The following PLD5 variants were observed in gnomAD, a reference collection of about 807,000 sequenced individuals.
PLD5 encodes the protein inactive phospholipase D5.
PLD5 carries 36 observed loss-of-function variants against 61.1 expected under a neutral mutation model. The ratio of observed to expected loss-of-function variants is 0.59; its 90% CI spans 0.45 to 0.78. The LOEUF (loss-of-function observed/expected upper bound fraction) is 0.78, where lower values mean the gene tolerates loss of function less well. PLD5 is among the 30% of genes least tolerant of loss of function. PLD5 has a pLI of 0.00. For synonymous variants in PLD5, 243 were observed against 242.8 expected (o/e 1.00, Z -0.01); for missense variants, 515 against 644.4 (o/e 0.80, Z 2.17).
chr1:242,439,394 C>T (rs1666165403), intron 1 of PLD5, among the ~76,000 whole-genome samples: 1 of 152,064 alleles, frequency 6.6e-6, no homozygotes, highest in African/African-American at 2.4e-5. Flanking sequence ...CATGGAGGCA[C>T]GTTCATAGGA....
intron 6 of PLD5, among the ~76,000 whole-genome samples, chr1:242,116,578 G>A (rs945112896): frequency 1.3e-5 from 2 of 151,996 alleles, no homozygotes; most frequent in African/African-American, 4.8e-5. Context: ...CCCCACATGC[G>A]CTAGTGGTCC....
intron 2 of PLD5, among the ~76,000 whole-genome samples, chr1:242,289,447 C>G (rs1675227525): frequency 6.6e-6 from 1 of 152,180 alleles, no homozygotes; most frequent in Non-Finnish European, 1.5e-5. Context: ...CTCCCAGGTT[C>G]AAGCAGTTCT....
intron 5 of PLD5, among the ~76,000 whole-genome samples, chr1:242,170,770 T>C (rs1558301778): frequency 6.6e-6 from 1 of 152,056 alleles, no homozygotes; most frequent in Non-Finnish European, 1.5e-5. Flanking sequence ...ACATGAGTAT[T>C]AGTAGCCAAA....
intron 8 of PLD5, among the ~76,000 whole-genome samples, chr1:242,103,571 CTT>C (rs1234103882): frequency 6.6e-6 from 1 of 152,172 alleles, no homozygotes; most frequent in Non-Finnish European, 1.5e-5. Context: ...CAAGAGTTCT[CTT>C]GTCTGTGAAA....
At chr1:242,092,572 C>T (rs1438809131) in intron 9 of PLD5, among the ~76,000 whole-genome samples, 1 of 152,150 alleles carries the variant, frequency 6.6e-6, no homozygotes, top group Non-Finnish European at 1.5e-5. Context: ...GAGCTGATTC[C>T]ACAAAGGGAA....
Position 242,310,225 on chromosome 1 carries a change from C to T in PLD5, c.327-21695G>A, listed in dbSNP as rs565920648. 5.0e-3 allele frequency among the ~76,000 whole-genome samples: 759 copies of T among 152,240 alleles called. 7 individuals are homozygous for T. The highest frequency in any genetic ancestry group is 0.017 in the African/African-American group (688 of 41,544). On this transcript the variant is annotated intron_variant, in intron 2 of 9. Coordinates refer to ENST00000536534, the MANE Select transcript of PLD5 (RefSeq NM_001372062.1). ...TGGTCTCATGTTCCCTAAACACACA[C>T]GCTGAGAGCAGACAGTCTATCATCT...
At chr1:242,282,512 G>A (rs183357713) in intron 3 of PLD5, among the ~76,000 whole-genome samples, 141 of 152,188 alleles carry the variant, frequency 9.3e-4, no homozygotes, top group African/African-American at 2.9e-3. Flanking sequence ...ATAATTTCTC[G>A]AAATCAAACA....
intron 5 of PLD5, among the ~76,000 whole-genome samples, chr1:242,176,399 C>A (rs556177223): frequency 6.6e-6 from 1 of 152,262 alleles, no homozygotes; most frequent in South Asian, 2.1e-4. Context: ...AAAACTGACG[C>A]TGTACCCCTT....
At chr1:242,325,334 A>G (rs896269231) in intron 2 of PLD5, among the ~76,000 whole-genome samples, 18 of 141,628 alleles carry the variant, frequency 1.3e-4, no homozygotes, top group African/African-American at 2.0e-4. Flanking sequence ...CTCCATAGGT[A>G]AGGGTGTTAA....
intron 2 of PLD5, among the ~76,000 whole-genome samples, chr1:242,337,067 T>C (rs1659556832): frequency 6.6e-6 from 1 of 151,886 alleles, no homozygotes; most frequent in African/African-American, 2.4e-5. Context: ...TCAGGTCTCC[T>C]GGATGTAGAG....
intron 2 of PLD5, among the ~76,000 whole-genome samples, chr1:242,326,699 T>G (rs1658809431): frequency 6.6e-6 from 1 of 152,012 alleles, no homozygotes; most frequent in Non-Finnish European, 1.5e-5. Flanking sequence ...TTTATATAAG[T>G]TTTTTTGTGT....
chr1:242,362,730 T>C lies in PLD5; in HGVS notation c.190-14488A>G, dbSNP rs541810376. Among the ~76,000 whole-genome samples, 7 of 152,224 alleles carry C rather than the reference T, an allele frequency of 4.6e-5. No individual in the cohort carries two copies. In the South Asian group the frequency reaches 1.2e-3, roughly 27 times the overall value. On this transcript the variant is annotated intron_variant, in intron 1 of 9. Coordinates refer to ENST00000536534, the MANE Select transcript of PLD5 (RefSeq NM_001372062.1). ...GGGCATTTCTCTAAAATCCTTATAA[T>C]AGACTTATCACTTCACTTCCTACAT...
intron 2 of PLD5, among the ~76,000 whole-genome samples, chr1:242,318,424 C>T (rs1253060385): frequency 6.6e-6 from 1 of 152,184 alleles, no homozygotes; most frequent in Non-Finnish European, 1.5e-5. Flanking sequence ...CCTGGACACT[C>T]TTGGGCCAGC....
At chr1:242,224,918 C>G (rs1670829466) in intron 4 of PLD5, among the ~76,000 whole-genome samples, 1 of 152,132 alleles carries the variant, frequency 6.6e-6, no homozygotes, top group Non-Finnish European at 1.5e-5. Context: ...TCACCGCAAT[C>G]AGAATGCAAA....
At chr1:242,091,595 G>A (rs1052386399) in intron 9 of PLD5, among the ~76,000 whole-genome samples, 2 of 152,084 alleles carry the variant, frequency 1.3e-5, no homozygotes, top group African/African-American at 2.4e-5. Flanking sequence ...GTTATGCTTC[G>A]ATGTACTTTC....
intron 1 of PLD5, among the ~76,000 whole-genome samples, chr1:242,392,384 G>A (rs534456542): frequency 6.6e-6 from 1 of 152,282 alleles, no homozygotes; most frequent in Non-Finnish European, 1.5e-5. Flanking sequence ...TCACCAACCT[G>A]CACATGTTCA....
chr1:242,369,259 A>C (rs1193686947), intron 1 of PLD5, among the ~76,000 whole-genome samples: 1 of 152,174 alleles, frequency 6.6e-6, no homozygotes, highest in Non-Finnish European at 1.5e-5. Flanking sequence ...TAATGGGTGG[A>C]GGTTGGGGAA....
At chr1:242,456,821 C>G (rs1190039654) in intron 1 of PLD5, among the ~76,000 whole-genome samples, 1 of 152,206 alleles carries the variant, frequency 6.6e-6, no homozygotes, top group Non-Finnish European at 1.5e-5. Flanking sequence ...CCAGAAGCAG[C>G]TTTCTTTTCA....
intron 4 of PLD5, among the ~76,000 whole-genome samples, chr1:242,222,465 A>G (rs1670654413): frequency 6.6e-6 from 1 of 152,162 alleles, no homozygotes; most frequent in Non-Finnish European, 1.5e-5. Flanking sequence ...CACCTTGTCA[A>G]GCCTTCCCCT....
Sources: allele counts gnomAD v4.1 joint callset (sites outside exome capture counted in the v4.1 genomes callset), GRCh38; gene constraint gnomAD v4.1.1; transcripts MANE v1.5; gene names NCBI Gene and HGNC (gene_info 2026-07-23, HGNC 2026-07-21).